SDK1: variants seen among roughly 807,000 people sequenced by gnomAD.
SDK1 encodes sidekick cell adhesion molecule 1, also known as protein sidekick-1.
SDK1 carries 157 observed loss-of-function variants against 245.5 expected under a neutral mutation model. That is an observed-to-expected ratio of 0.64 (90% CI 0.56 to 0.73). The LOEUF is 0.73. SDK1 is among the 30% of genes least tolerant of loss of function. The pLI is 0.00. For synonymous variants in SDK1, 1,647 were observed against 1,278.5 expected (o/e 1.29, Z -6.15); for missense variants, 3,583 against 3,002.3 (o/e 1.19, Z -4.52).
intron 1 of SDK1, among the ~76,000 whole-genome samples, chr7:3,419,212 C>T (rs1161196278): frequency 6.6e-6 from 1 of 152,184 alleles, no homozygotes; most frequent in Non-Finnish European, 1.5e-5. Context: ...AGAGGAGGAA[C>T]CTGAAGCTCA....
At chr7:4,015,047 G>C (rs181901524) in intron 16 of SDK1, among the ~76,000 whole-genome samples, 2 of 152,042 alleles carry the variant, frequency 1.3e-5, no homozygotes, top group African/African-American at 2.4e-5. Context: ...CATACTTCTC[G>C]GTAGAAGAGC....
chr7:3,962,608 C>G (rs185604572), intron 8 of SDK1, 49 bp from the exon 9 acceptor site: 4 of 1,446,676 alleles, frequency 2.8e-6, no homozygotes, highest in Admixed American at 2.1e-5. Context: ...CTTCAGTTCT[C>G]ACGTCAGGAA....
At chr7:4,241,287 G>A (rs561397683) in intron 42 of SDK1, among the ~76,000 whole-genome samples, 4 of 152,076 alleles carry the variant, frequency 2.6e-5, no homozygotes, top group Admixed American at 6.5e-5. Flanking sequence ...AAATGAGTGT[G>A]AGTTTTTATT....
chr7:3,524,782 G>A (rs1783064978), intron 1 of SDK1, among the ~76,000 whole-genome samples: 1 of 152,110 alleles, frequency 6.6e-6, no homozygotes, highest in Admixed American at 6.5e-5. Flanking sequence ...TACAAATCTG[G>A]AGTTATACTC....
intron 5 of SDK1, among the ~76,000 whole-genome samples, chr7:3,907,607 G>T (rs1409709297): frequency 2.0e-5 from 3 of 152,136 alleles, no homozygotes; most frequent in Admixed American, 2.0e-4. Flanking sequence ...GAGTCTCTAT[G>T]TTCAGTTCCC....
chr7:4,258,468 G>T (rs947167642), intron 44 of SDK1, among the ~76,000 whole-genome samples: 1 of 152,206 alleles, frequency 6.6e-6, no homozygotes, highest in Non-Finnish European at 1.5e-5. Context: ...ACCATGCAGA[G>T]ACGCTTTCCA....
chr7:4,029,667 G>T (rs1310310528), intron 17 of SDK1, among the ~76,000 whole-genome samples: 1 of 152,108 alleles, frequency 6.6e-6, no homozygotes, highest in East Asian at 1.9e-4. Flanking sequence ...CAAAGAGTGT[G>T]ATTTACTTGA....
intron 1 of SDK1, among the ~76,000 whole-genome samples, chr7:3,385,956 C>G (rs1186184294): frequency 2.0e-5 from 3 of 152,016 alleles, no homozygotes; most frequent in African/African-American, 7.2e-5. Flanking sequence ...TACATGTGCT[C>G]TCCCTTTCCT....
intron 1 of SDK1, among the ~76,000 whole-genome samples, chr7:3,547,672 ACT>A (rs1779272636): frequency 1.3e-5 from 2 of 152,184 alleles, no homozygotes; most frequent in East Asian, 1.9e-4. Flanking sequence ...ATCTTGACTG[ACT>A]CTGTAGATCA....
intron 4 of SDK1, among the ~76,000 whole-genome samples, chr7:3,757,803 C>G (rs144517001): frequency 5.7e-4 from 87 of 152,256 alleles, no homozygotes; most frequent in Admixed American, 1.1e-3. Flanking sequence ...TTGAACTCAA[C>G]CTTCAGGCCC....
chr7:4,234,680 C>T (rs182670865), intron 41 of SDK1, among the ~76,000 whole-genome samples: 19 of 152,342 alleles, frequency 1.2e-4, no homozygotes, highest in African/African-American at 4.6e-4. Flanking sequence ...GAAAGTTAAA[C>T]ACACACCCTC....
chr7:3,349,557 A>T (rs1780601737), intron 1 of SDK1, among the ~76,000 whole-genome samples: 1 of 152,166 alleles, frequency 6.6e-6, no homozygotes, highest in Non-Finnish European at 1.5e-5. Context: ...ATGGGCAAGG[A>T]AACTGTGGAA....
At chr7:3,418,734 G>T (rs1290142483) in intron 1 of SDK1, among the ~76,000 whole-genome samples, 1 of 152,162 alleles carries the variant, frequency 6.6e-6, no homozygotes, top group Non-Finnish European at 1.5e-5. Flanking sequence ...CATAGTCCAG[G>T]ATGTTCTACT....
chr7:3,518,150 A>G (rs1043423871), intron 1 of SDK1, among the ~76,000 whole-genome samples: 2 of 152,154 alleles, frequency 1.3e-5, no homozygotes, highest in African/African-American at 4.8e-5. Flanking sequence ...ACCCAGTTTG[A>G]GTATGAGGCA....
At chr7:3,407,229 A>C (rs1034467851) in intron 1 of SDK1, among the ~76,000 whole-genome samples, 21 of 152,166 alleles carry the variant, frequency 1.4e-4, no homozygotes, top group African/African-American at 4.3e-4. Context: ...TTGCGTGAAA[A>C]ATTTCATAGA....
At position 3,752,341 on chromosome 7, in the gene SDK1, G is replaced by A. The variant is rs916698643; in HGVS notation, c.714-69109G>A. On this transcript the variant is annotated intron_variant, in intron 4 of 44. Transcript: ENST00000404826. ...TTTAAATAGTTTTCTGAACATCACA[G>A]TTTTGGTGCCTTCACTTTGATACAT... 2.0e-5 allele frequency among the ~76,000 whole-genome samples: 3 copies of A among 152,212 alleles called. No individual in the cohort carries two copies. The South Asian group carries it at 6.2e-4, about 32-fold the overall frequency.
chr7:3,710,973 T>C (rs1046234057), intron 4 of SDK1, among the ~76,000 whole-genome samples: 5 of 152,248 alleles, frequency 3.3e-5, no homozygotes, highest in Non-Finnish European at 2.9e-5. Context: ...TTTCTTTACA[T>C]GTATATCAGT....
chr7:4,251,443 G>A (rs932007174), intron 44 of SDK1, among the ~76,000 whole-genome samples: 14 of 152,228 alleles, frequency 9.2e-5, no homozygotes, highest in Non-Finnish European at 1.9e-4. Flanking sequence ...CCACCAGAGA[G>A]CTGTGAGGAC....
intron 1 of SDK1, among the ~76,000 whole-genome samples, chr7:3,594,220 A>G (rs948429574): frequency 2.0e-5 from 3 of 152,156 alleles, no homozygotes; most frequent in African/African-American, 7.2e-5. Context: ...GGTTTTTGTC[A>G]CTGACTTGTT....
Sources: allele counts gnomAD v4.1 joint callset (sites outside exome capture counted in the v4.1 genomes callset), GRCh38; gene constraint gnomAD v4.1.1; transcripts MANE v1.5; gene names NCBI Gene and HGNC (gene_info 2026-07-23, HGNC 2026-07-21).